Variants in MAST4 observed in about 807,000 individuals in gnomAD.
MAST4 encodes microtubule associated serine/threonine kinase family member 4.
Under a neutral mutation model 162.7 loss-of-function variants are expected in MAST4, and 89 were observed. The observed-to-expected ratio is 0.55, with a 90% CI of 0.46 to 0.65. The LOEUF is 0.65. Ranked by LOEUF, MAST4 falls within the 30% of genes least tolerant of loss-of-function variation. The pLI, the probability that MAST4 is intolerant of heterozygous loss-of-function variation, is 0.00. For missense variants in MAST4, 3,153 were observed against 3,374.0 expected (o/e 0.93, Z 1.62); for synonymous variants, 1,479 against 1,361.1 (o/e 1.09, Z -1.91).
intron 19 of MAST4, among the ~76,000 whole-genome samples, chr5:67,138,434 G>T: frequency 6.6e-6 from 1 of 152,024 alleles, no homozygotes; most frequent in Non-Finnish European, 1.5e-5. Context: ...TGGGTGGGGT[G>T]GTTTGTTTGT....
chr5:66,754,294 A>G (rs1005759942), intron 1 of MAST4, among the ~76,000 whole-genome samples: 58 of 152,322 alleles, frequency 3.8e-4, no homozygotes, highest in African/African-American at 1.0e-3. Context: ...AAAAAGTTCA[A>G]TGGTTATTTA....
intron 13 of MAST4, among the ~76,000 whole-genome samples, chr5:67,119,999 T>G (rs1462791526): frequency 6.6e-6 from 1 of 151,938 alleles, no homozygotes; most frequent in Non-Finnish European, 1.5e-5. Context: ...TAATAGTGAG[T>G]GACTAAACAA....
intron 1 of MAST4, among the ~76,000 whole-genome samples, chr5:66,726,033 G>T (rs1267336297): frequency 1.3e-5 from 2 of 151,108 alleles, no homozygotes; most frequent in South Asian, 4.2e-4. Flanking sequence ...TGAACATTTT[G>T]TGTGTGTGTG....
chr5:66,716,524 A>AT (rs60763794), intron 1 of MAST4, among the ~76,000 whole-genome samples: 3,328 of 143,368 alleles, frequency 0.023, 30 homozygotes, highest in South Asian at 0.047. Context: ...TAAAAAAAAA[A>AT]TTTTTTTTTT....
In MAST4 at chr5:67,149,448, A is replaced by G. The variant is rs778658954; in HGVS notation, c.3154A>G (p.Thr1052Ala). 3.1e-6 allele frequency: 5 copies of G among 1,613,650 alleles called. No homozygotes were observed. The highest frequency in any genetic ancestry group is 4.2e-6 in the Non-Finnish European group (5 of 1,179,822). Residue 1052 changes from threonine to alanine, a missense_variant, in exon 24 of 29, where the codon ACA becomes GCA. Physicochemically the swap from Thr to Ala is moderately conservative, Grantham distance 58. Coordinates refer to ENST00000403625, the MANE Select transcript of MAST4 (RefSeq NM_001164664.2). ...TGGACGAAGCGAGTGTGTGGACAGTACAGATAATTCCTCAAAGCCATCCAG... is the reference window on the plus strand; with the variant it reads ...TGGACGAAGCGAGTGTGTGGACAGTGCAGATAATTCCTCAAAGCCATCCAG... ...INGRSECVDSTDNSSKPSSEP... is the reference protein window; with the variant it reads ...INGRSECVDSADNSSKPSSEP...
At chr5:66,619,109 C>G (rs1743909858) in intron 1 of MAST4, among the ~76,000 whole-genome samples, 1 of 152,142 alleles carries the variant, frequency 6.6e-6, no homozygotes, top group African/African-American at 2.4e-5. Flanking sequence ...ACTTTTTGGT[C>G]ATTTGTTAGT....
intron 4 of MAST4, among the ~76,000 whole-genome samples, chr5:66,988,268 T>C (rs1749726214): frequency 6.6e-6 from 1 of 152,208 alleles, no homozygotes; most frequent in Non-Finnish European, 1.5e-5. Flanking sequence ...GGGATTACCC[T>C]TCTTCCTCTT....
At chr5:66,900,617 C>T (rs1423578813) in intron 4 of MAST4, among the ~76,000 whole-genome samples, 2 of 151,892 alleles carry the variant, frequency 1.3e-5, no homozygotes, top group East Asian at 1.9e-4. Flanking sequence ...CAATTAAGGT[C>T]GAATTTGTTA....
chr5:67,156,249 A>G (rs555930743), intron 26 of MAST4, among the ~76,000 whole-genome samples: 3 of 152,302 alleles, frequency 2.0e-5, no homozygotes, highest in South Asian at 4.1e-4. Flanking sequence ...GCAGAAGAAG[A>G]TAACAAAGCA....
intron 12 of MAST4, 90 bp downstream of exon 12, chr5:67,114,309 C>T (rs1766621218): frequency 6.9e-7 from 1 of 1,454,104 alleles, no homozygotes. Flanking sequence ...TATTTTTCCT[C>T]ATGTTTTGGC....
chr5:66,704,307 G>A (rs1296351257), intron 1 of MAST4, among the ~76,000 whole-genome samples: 1 of 152,032 alleles, frequency 6.6e-6, no homozygotes, highest in African/African-American at 2.4e-5. Flanking sequence ...TCTGTGAAAT[G>A]GGGATCCTGA....
intron 23 of MAST4, among the ~76,000 whole-genome samples, chr5:67,148,802 G>A (rs940004469): frequency 9.9e-5 from 15 of 152,158 alleles, no homozygotes; most frequent in Non-Finnish European, 8.8e-5. Context: ...CCTGAGAAGT[G>A]AGAAGAGACA....
chr5:66,905,329 T>A (rs75069483), intron 4 of MAST4, among the ~76,000 whole-genome samples: 1,564 of 97,376 alleles, frequency 0.016, 31 homozygotes, highest in African/African-American at 0.048. Flanking sequence ...AAAAAAAAAA[T>A]GGGATATCCA....
chr5:66,947,038 G>A (rs529256041), intron 4 of MAST4, among the ~76,000 whole-genome samples: 1 of 152,162 alleles, frequency 6.6e-6, no homozygotes, highest in East Asian at 1.9e-4. Flanking sequence ...CTTGATTATG[G>A]TCCAGTATTT....
chr5:66,858,756 A>G (rs1216320222), intron 3 of MAST4, among the ~76,000 whole-genome samples: 1 of 152,134 alleles, frequency 6.6e-6, no homozygotes, highest in African/African-American at 2.4e-5. Flanking sequence ...CTTGAAATTA[A>G]TTTGGGGAGT....
At chr5:66,684,488 G>T (rs943812072) in intron 1 of MAST4, among the ~76,000 whole-genome samples, 5 of 152,116 alleles carry the variant, frequency 3.3e-5, no homozygotes, top group African/African-American at 4.8e-5. Flanking sequence ...TTTGGAAATC[G>T]GGTGCCTAAA....
chr5:67,016,127 C>A (rs1753261360), intron 4 of MAST4, among the ~76,000 whole-genome samples: 1 of 152,130 alleles, frequency 6.6e-6, no homozygotes, highest in Non-Finnish European at 1.5e-5. Flanking sequence ...ACTGGTAGAT[C>A]TGCCAACATC....
intron 1 of MAST4, 150 bp from the exon 2 acceptor site, chr5:66,759,558 TA>T: frequency 1.1e-6 from 1 of 952,286 alleles, no homozygotes; most frequent in Non-Finnish European, 1.5e-6. Context: ...AGTGAAATTC[TA>T]AATTCTCTAA....
chr5:66,764,302 A>G (rs766363083), intron 2 of MAST4, among the ~76,000 whole-genome samples: 3 of 152,210 alleles, frequency 2.0e-5, no homozygotes, highest in Non-Finnish European at 4.4e-5. Context: ...AGACAGGAGC[A>G]TGAGAGGGCA....
Sources: gnomAD v4.1 joint callset for allele counts (sites outside exome capture counted in the v4.1 genomes callset) on GRCh38, gnomAD v4.1.1 for gene constraint, MANE v1.5 for transcripts, NCBI Gene and HGNC (gene_info 2026-07-23, HGNC 2026-07-21) for gene names.